RNF43: variants seen among roughly 807,000 people sequenced by gnomAD.
RNF43 encodes E3 ubiquitin-protein ligase RNF43.
A neutral mutation model predicts 78.4 loss-of-function variants in RNF43; 37 were observed. The observed-to-expected ratio is 0.47, with a 90% CI of 0.36 to 0.62. RNF43 has a LOEUF of 0.62. Ranked by LOEUF, RNF43 falls within the 20% of genes least tolerant of loss-of-function variation. RNF43 has a pLI of 0.00. For synonymous variants in RNF43, 347 were observed against 395.0 expected (o/e 0.88, Z 1.44); for missense variants, 774 against 1,007.9 (o/e 0.77, Z 3.14).
chr17:58,416,441 T>G (rs979715955), intron 1 of RNF43: 3 of 152,242 alleles, frequency 2.0e-5, no homozygotes, highest in African/African-American at 7.2e-5. Flanking sequence ...CAATTATTTT[T>G]CCCAGTTAAA....
At chr17:58,400,308 C>T (rs1973770223) in intron 2 of RNF43, among the ~76,000 whole-genome samples, 2 of 152,184 alleles carry the variant, frequency 1.3e-5, no homozygotes, top group Non-Finnish European at 2.9e-5. Context: ...AAAGCCTTGT[C>T]CTTTCGGCTA....
intron 2 of RNF43, among the ~76,000 whole-genome samples, chr17:58,390,140 T>C (rs1265232157): frequency 6.6e-6 from 1 of 152,116 alleles, no homozygotes; most frequent in Non-Finnish European, 1.5e-5. Flanking sequence ...AAAGAAAATG[T>C]GGAAGGTGGG....
intron 2 of RNF43, among the ~76,000 whole-genome samples, chr17:58,392,315 C>T (rs1027842298): frequency 6.6e-6 from 1 of 152,176 alleles, no homozygotes. Flanking sequence ...GTTTTTTGCA[C>T]AAATACATAC....
intron 2 of RNF43, among the ~76,000 whole-genome samples, chr17:58,394,510 T>C (rs942039489): frequency 1.3e-5 from 2 of 152,240 alleles, no homozygotes; most frequent in East Asian, 1.9e-4. Context: ...AACTTAGGTA[T>C]CACTGCACTT....
Position 58,357,878 on chromosome 17 carries a change from C to T in RNF43, c.1898G>A (p.Cys633Tyr), listed in dbSNP as rs2143396773. 1.2e-6 allele frequency: 2 copies of T among 1,613,832 alleles called. No individual in the cohort carries two copies. Among genetic ancestry groups the T allele is most frequent in the East Asian group, 4.5e-5 (2 of 44,850 alleles). The change falls in exon 9 of 10, where the codon TGC (cysteine) becomes TAC (tyrosine). Residue 633 changes from cysteine to tyrosine, a missense_variant. Physicochemically the swap from Cys to Tyr is radical, Grantham distance 194. Transcript: ENST00000407977. This position sits in a 1 kb window ranked among gnomAD's most constrained non-coding sequence, Gnocchi z 4.5. Reference sequence around the variant, plus strand: ...GTTGAACAGACTGCTGGTACTGGGGCAGATGCTGGAGGCGTCAACTGGGCC... The same window carrying T: ...GTTGAACAGACTGCTGGTACTGGGGTAGATGCTGGAGGCGTCAACTGGGCC... ...APGPVDASSI[C>Y]PSTSSLFNLQ...
chr17:58,356,357 G>T (rs1972684622), intron 9 of RNF43, among the ~76,000 whole-genome samples: 1 of 152,194 alleles, frequency 6.6e-6, no homozygotes, highest in East Asian at 1.9e-4. Context: ...GGGTTGGAAG[G>T]GTTCTAGTGA....
At chr17:58,359,751 AC>A (rs1259034694) in intron 8 of RNF43, among the ~76,000 whole-genome samples, 4 of 151,746 alleles carry the variant, frequency 2.6e-5, no homozygotes, top group East Asian at 3.9e-4. Context: ...ACATGGAGAA[AC>A]CCCGTCTCTA....
chr17:58,360,590 A>G lies in RNF43; in HGVS notation c.849+193T>C, dbSNP rs1277309852. On this transcript the variant is annotated intron_variant, in intron 7 of 9. Coordinates refer to ENST00000407977, the MANE Select transcript of RNF43 (RefSeq NM_017763.6). The surrounding 1 kb of genome is among the most constrained non-coding windows in gnomAD (Gnocchi z 4.3). Reference sequence around the variant, plus strand: ...GGCACGTGGTACACTCTCAACAAACAATAGTGCTCTTTCACTGGAAGGTCA... The same window carrying G: ...GGCACGTGGTACACTCTCAACAAACGATAGTGCTCTTTCACTGGAAGGTCA... Among the ~76,000 whole-genome samples the G allele has an allele frequency of 1.3e-5, 2 of 152,214 alleles. No homozygotes were observed. The highest frequency in any genetic ancestry group is 2.9e-5 in the Non-Finnish European group (2 of 68,040).
Position 58,400,690 on chromosome 17 carries a change from C to T in RNF43, c.252+14636G>A, listed in dbSNP as rs1403868326. The stretch of plus-strand genomic sequence containing the variant: ...GAGAGCACTTTTCACTGTAGGATGT[C>T]GCTCCTCATTTTAGAATACCTTTTA... On this transcript the variant is annotated intron_variant, in intron 2 of 9. Coordinates refer to ENST00000407977, the MANE Select transcript of RNF43 (RefSeq NM_017763.6). Among the ~76,000 whole-genome samples, 3 of 152,146 alleles carry T rather than the reference C, an allele frequency of 2.0e-5. No individual in the cohort carries two copies. The East Asian group carries it at 5.8e-4, about 29-fold the overall frequency.
At chr17:58,393,221 A>G (rs557130423) in intron 2 of RNF43, among the ~76,000 whole-genome samples, 1 of 152,308 alleles carries the variant, frequency 6.6e-6, no homozygotes, top group Non-Finnish European at 1.5e-5. Context: ...CAGCCTAATC[A>G]AAATGGTGAA....
rs1168021695 is a variant in RNF43, at chr17:58,360,130, TC to T, written c.952+18del. ...ACCTGTCTGCCTACACAGAGGGGAG[TC>T]CTTGGCCCACCTCCTACCTGTGATG... On this transcript the variant is annotated intron_variant, in intron 8 of 9. Coordinates refer to ENST00000407977, the MANE Select transcript of RNF43 (RefSeq NM_017763.6). This position sits in a 1 kb window ranked among gnomAD's most constrained non-coding sequence, Gnocchi z 4.3. 2 of 1,586,926 alleles carry T rather than the reference TC, an allele frequency of 1.3e-6. No homozygotes were observed. The highest frequency in any genetic ancestry group is 1.7e-6 in the Non-Finnish European group (2 of 1,156,606).
At chr17:58,404,473 C>T (rs1287707794) in intron 2 of RNF43, among the ~76,000 whole-genome samples, 3 of 152,188 alleles carry the variant, frequency 2.0e-5, no homozygotes, top group African/African-American at 7.2e-5. Context: ...ACTCAGTAAT[C>T]CCAAATACTC....
At position 58,363,416 on chromosome 17, in the gene RNF43, GA is replaced by G; in HGVS notation, c.451-11del. 17 of 1,614,150 alleles carry G rather than the reference GA, an allele frequency of 1.1e-5. No individual in the cohort carries two copies. The highest frequency in any genetic ancestry group is 1.4e-5 in the Non-Finnish European group (17 of 1,180,006). ...CCAGCGGCTGCTGCAGCTACAGGGGGAAAGTGCCCACAGGGCTGCTGTGACT... is the reference window on the plus strand; with the variant it reads ...CCAGCGGCTGCTGCAGCTACAGGGGGAAGTGCCCACAGGGCTGCTGTGACT... On this transcript the variant is annotated splice_polypyrimidine_tract_variant and intron_variant, in intron 4 of 9. Transcript: ENST00000407977.
intron 3 of RNF43, among the ~76,000 whole-genome samples, chr17:58,369,579 C>T (rs1420628943): frequency 6.6e-6 from 1 of 152,238 alleles, no homozygotes; most frequent in African/African-American, 2.4e-5. Flanking sequence ...CACAATCTGA[C>T]TACACTCCAC....
At chr17:58,387,723 A>T (rs796938741) in intron 2 of RNF43, among the ~76,000 whole-genome samples, 5 of 152,314 alleles carry the variant, frequency 3.3e-5, no homozygotes, top group African/African-American at 1.2e-4. Flanking sequence ...TTAGATTGAC[A>T]ATGACAATGG....
chr17:58,393,317 GA>G (rs1440070140), intron 2 of RNF43, among the ~76,000 whole-genome samples: 1 of 152,136 alleles, frequency 6.6e-6, no homozygotes, highest in African/African-American at 2.4e-5. Flanking sequence ...TGAGGCAGGA[GA>G]ATCACTTGAA....
intron 2 of RNF43, among the ~76,000 whole-genome samples, chr17:58,412,625 C>G (rs557475008): frequency 7.4e-6 from 1 of 135,502 alleles, no homozygotes; most frequent in South Asian, 2.4e-4. Context: ...GTCTATTTTA[C>G]TATTCAACAA....
At chr17:58,381,872 T>C (rs1391042912) in intron 2 of RNF43, among the ~76,000 whole-genome samples, 4 of 151,848 alleles carry the variant, frequency 2.6e-5, no homozygotes, top group Admixed American at 2.6e-4. Context: ...TTCCTTTCTC[T>C]TCCCATGGAC....
At chr17:58,410,035 T>C (rs1213818816) in intron 2 of RNF43, among the ~76,000 whole-genome samples, 1 of 99,724 alleles carries the variant, frequency 1.0e-5, no homozygotes, top group Non-Finnish European at 1.9e-5. Context: ...CAACCGAGAG[T>C]CTGCCAAATG....
Sources: allele counts gnomAD v4.1 joint callset (sites outside exome capture counted in the v4.1 genomes callset), GRCh38; gene constraint gnomAD v4.1.1; non-coding constraint Gnocchi (gnomAD v3.1); transcripts MANE v1.5; gene names NCBI Gene and HGNC (gene_info 2026-07-23, HGNC 2026-07-21).